The following MEGF11 variants were observed in gnomAD, a reference collection of about 807,000 sequenced individuals.
The protein encoded by MEGF11 is multiple EGF like domains 11.
In MEGF11, 126 loss-of-function variants were observed where a neutral mutation model predicts 146.6. The observed-to-expected ratio is 0.86, with a 90% CI of 0.74 to 1.00. The LOEUF is 1.00. Ranked by LOEUF, MEGF11 falls within the 50% of genes least tolerant of loss-of-function variation. MEGF11 has a pLI of 0.00. For missense variants in MEGF11, 1,509 were observed against 1,521.2 expected, an observed-to-expected ratio of 0.99 and a Z score of 0.13; for synonymous variants, 532 against 583.4, an observed-to-expected ratio of 0.91 and a Z score of 1.27.
chr15:66,177,261 T>G (rs1008374720), intron 1 of MEGF11, among the ~76,000 whole-genome samples: 1 of 151,824 alleles, frequency 6.6e-6, no homozygotes, highest in Non-Finnish European at 1.5e-5. Flanking sequence ...AGGGATGGGG[T>G]GGGGTAGTGG....
At chr15:65,988,008 C>CTTTTTTT (rs35039801) in intron 5 of MEGF11, among the ~76,000 whole-genome samples, 21 of 93,606 alleles carry the variant, frequency 2.2e-4, no homozygotes, top group Non-Finnish European at 3.4e-4. Context: ...AGTACCCGGT[C>CTTTTTTT]TTTTTTTTTT....
rs539077841 is a variant in MEGF11 at position 66,213,308 on chromosome 15, G to A, written c.-9+40297C>T. Reference sequence around the variant, plus strand: ...TTTATGGATGAAGAGACCCAGAGAGGGGAAGCAGTGTGTCCCCGTTCACAC... The same window carrying A: ...TTTATGGATGAAGAGACCCAGAGAGAGGAAGCAGTGTGTCCCCGTTCACAC... On this transcript the variant is annotated intron_variant, in intron 1 of 25. Coordinates refer to ENST00000395614, the MANE Select transcript of MEGF11 (RefSeq NM_001385028.1). Among the ~76,000 whole-genome samples the A allele has an allele frequency of 2.6e-5, 4 of 152,170 alleles. No individual in the cohort carries two copies. In the East Asian group the frequency reaches 5.8e-4, roughly 22 times the overall value.
At chr15:66,239,356 A>T (rs1243367672) in intron 1 of MEGF11, among the ~76,000 whole-genome samples, 1 of 152,186 alleles carries the variant, frequency 6.6e-6, no homozygotes, top group African/African-American at 2.4e-5. Context: ...CCCTCTCCAA[A>T]TAACTCATGT....
At chr15:65,971,176 G>A (rs1448766025) in intron 7 of MEGF11, 1 of 153,968 alleles carries the variant, frequency 6.5e-6, no homozygotes, top group Admixed American at 6.4e-5. Context: ...AAAGAAAAGA[G>A]GAATAGGAGA....
intron 10 of MEGF11, among the ~76,000 whole-genome samples, chr15:65,949,912 C>T (rs1261013674): frequency 2.0e-5 from 3 of 152,226 alleles, no homozygotes; most frequent in African/African-American, 7.2e-5. Context: ...AATCAGCCTT[C>T]TTCCCCCGTG....
chr15:65,916,301 C>A, intron 17 of MEGF11, 25 bp from the exon 18 acceptor site: 1 of 1,545,196 alleles, frequency 6.5e-7, no homozygotes, highest in Non-Finnish European at 8.8e-7. Context: ...TTTCCAGTCA[C>A]GAGAGTTGCT....
At position 66,060,979 on chromosome 15, in the gene MEGF11, C is replaced by T. The variant is rs575293416; in HGVS notation, c.394+33423G>A. 2.0e-4 allele frequency among the ~76,000 whole-genome samples: 30 copies of T among 152,288 alleles called. 1 individual carries two copies. The highest frequency in any genetic ancestry group is 7.7e-4 in the East Asian group (4 of 5,188). On this transcript the variant is annotated intron_variant, in intron 5 of 25. Transcript: ENST00000395614. ...CGTTGGCTCCTAGCCCTCCTGAGGACGCCTAGGGCTGGAATGGGGACTGGA... is the reference window on the plus strand; with the variant it reads ...CGTTGGCTCCTAGCCCTCCTGAGGATGCCTAGGGCTGGAATGGGGACTGGA...
At chr15:66,101,371 T>A (rs1597084068) in intron 4 of MEGF11, among the ~76,000 whole-genome samples, 1 of 152,294 alleles carries the variant, frequency 6.6e-6, no homozygotes, top group East Asian at 1.9e-4. Flanking sequence ...GAACTCCATC[T>A]ACAACCTGCA....
intron 5 of MEGF11, among the ~76,000 whole-genome samples, chr15:66,078,672 C>A (rs2085699549): frequency 6.6e-6 from 1 of 152,158 alleles, no homozygotes; most frequent in African/African-American, 2.4e-5. Flanking sequence ...CTGCAGGCTG[C>A]CCCTGGAAGT....
intron 1 of MEGF11, among the ~76,000 whole-genome samples, chr15:66,180,174 C>A (rs1452213418): frequency 6.6e-6 from 1 of 152,244 alleles, no homozygotes; most frequent in Non-Finnish European, 1.5e-5. Flanking sequence ...GAGGAACAAG[C>A]AAGCCACTGG....
At chr15:66,068,395 C>T (rs907317687) in intron 5 of MEGF11, among the ~76,000 whole-genome samples, 1 of 152,212 alleles carries the variant, frequency 6.6e-6, no homozygotes, top group African/African-American at 2.4e-5. Context: ...CTACGACCCA[C>T]CACATACCAA....
intron 1 of MEGF11, among the ~76,000 whole-genome samples, chr15:66,191,387 A>G (rs1401937169): frequency 6.6e-6 from 1 of 152,192 alleles, no homozygotes; most frequent in Admixed American, 6.5e-5. Context: ...TCTGCATCAC[A>G]TAGTTGGGTG....
intron 1 of MEGF11, among the ~76,000 whole-genome samples, chr15:66,143,200 G>A (rs543224514): frequency 2.6e-5 from 4 of 152,348 alleles, no homozygotes; most frequent in South Asian, 2.1e-4. Flanking sequence ...AACTGAAGAC[G>A]GTGGTGGTGG....
intron 1 of MEGF11, among the ~76,000 whole-genome samples, chr15:66,199,486 A>C (rs1206605338): frequency 6.6e-6 from 1 of 152,108 alleles, no homozygotes; most frequent in African/African-American, 2.4e-5. Flanking sequence ...CTGGCCATCA[A>C]CTGGGCCAGG....
chr15:65,986,270 A>T (rs1004074491), intron 5 of MEGF11, among the ~76,000 whole-genome samples: 2 of 152,198 alleles, frequency 1.3e-5, no homozygotes, highest in Admixed American at 6.5e-5. Context: ...GCTCCTAAAA[A>T]GTATGTGAGC....
Position 66,127,218 on chromosome 15 carries a change from C to T in MEGF11, c.98+1088G>A, listed in dbSNP as rs555045980. On this transcript the variant is annotated intron_variant, in intron 2 of 25. Coordinates refer to ENST00000395614, the MANE Select transcript of MEGF11 (RefSeq NM_001385028.1). The stretch of plus-strand genomic sequence containing the variant: ...GGAATGAACTGAGGTCTTCTCATCA[C>T]GGATCTTGTTTTCTTCCCACTTCAC... Among the ~76,000 whole-genome samples the T allele has an allele frequency of 4.6e-5, 7 of 152,356 alleles. No homozygotes were observed. In the East Asian group the frequency reaches 5.8e-4, roughly 13 times the overall value.
At chr15:65,995,023 G>A (rs1054494597) in intron 5 of MEGF11, among the ~76,000 whole-genome samples, 1 of 152,230 alleles carries the variant, frequency 6.6e-6, no homozygotes, top group Non-Finnish European at 1.5e-5. Context: ...TTGGGAGCTT[G>A]GGTGTGGTGG....
At chr15:66,127,464 T>C (rs923509129) in intron 2 of MEGF11, among the ~76,000 whole-genome samples, 1 of 152,214 alleles carries the variant, frequency 6.6e-6, no homozygotes, top group Non-Finnish European at 1.5e-5. Context: ...TCCACCCTCA[T>C]GGGCATGAAG....
intron 1 of MEGF11, among the ~76,000 whole-genome samples, chr15:66,247,802 C>T (rs926983322): frequency 2.0e-5 from 3 of 148,488 alleles, no homozygotes; most frequent in East Asian, 2.0e-4. Flanking sequence ...TTTGGGAGGC[C>T]GAGGCTGGCA....
Sources: gnomAD v4.1 joint callset for allele counts (sites outside exome capture counted in the v4.1 genomes callset) on GRCh38, gnomAD v4.1.1 for gene constraint, MANE v1.5 for transcripts, NCBI Gene and HGNC (gene_info 2026-07-23, HGNC 2026-07-21) for gene names.